Variants in AMBN observed in about 807,000 individuals in gnomAD.
The protein encoded by AMBN is enamel matrix protein.
A neutral mutation model predicts 48.0 loss-of-function variants in AMBN; 54 were observed. That is an observed-to-expected ratio of 1.12 (90% CI 0.90 to 1.41). The LOEUF is 1.41. Among genes scored for constraint, AMBN ranks in the 40% most tolerant of loss-of-function variants. The pLI is 0.00. For synonymous variants in AMBN, 186 were observed against 190.0 expected (o/e 0.98, Z 0.17); for missense variants, 571 against 547.3 (o/e 1.04, Z -0.43).
In AMBN at chr4:70,592,286, C is replaced by A. The variant is rs368325742; in HGVS notation, c.-73C>A. 2.8e-5 allele frequency: 43 copies of A among 1,530,686 alleles called. No homozygotes were observed. The highest frequency in any genetic ancestry group is 8.4e-5 in the Admixed American group (5 of 59,398). The allele number at this position is 1,530,686 out of a possible 1,614,324, so 94.8% of individuals were successfully genotyped here. On this transcript the variant is annotated 5_prime_UTR_variant, in exon 1 of 13. Coordinates refer to ENST00000322937, the MANE Select transcript of AMBN (RefSeq NM_016519.6). ...GTACAGAGCAAGTCCCACGCACAGT[C>A]CTGAAAAAAATTTTAATCTTCTTTT...
At position 70,606,466 on chromosome 4, in the gene AMBN, C is replaced by T. The variant is rs1410314526; in HGVS notation, c.1080C>T (p.Asp360=). The T allele has an allele frequency of 6.2e-7, 1 of 1,613,988 alleles. No homozygotes were observed. The highest frequency in any genetic ancestry group is 1.1e-5 in the South Asian group (1 of 91,074). The stretch of plus-strand genomic sequence containing the variant: ...GGCTCCTTGCTCTCCCTAAGGATGA[C>T]ATTCCCGGCCTGCCAAGGAGCCCTT... ...HAGLLALPKD[D]IPGLPRSPSG... The change falls in exon 13 of 13, where the codon GAC becomes GAT. Residue 360 remains aspartate (D), a synonymous_variant. Coordinates refer to ENST00000322937, the MANE Select transcript of AMBN (RefSeq NM_016519.6).
chr4:70,593,488 A>G, intron 2 of AMBN, 93 bp downstream of exon 2: 1 of 1,064,504 alleles, frequency 9.4e-7, no homozygotes, highest in Non-Finnish European at 1.4e-6. Context: ...GTCCACGCAT[A>G]GACTCACTTG....
intron 5 of AMBN, among the ~76,000 whole-genome samples, chr4:70,600,572 G>C (rs1737497035): frequency 6.6e-6 from 1 of 152,174 alleles, no homozygotes; most frequent in African/African-American, 2.4e-5. Context: ...AGCTCAGAGA[G>C]GGGTGATGGC....
At position 70,606,883 on chromosome 4, in the gene AMBN, T is replaced by C. The variant is rs1737672880; in HGVS notation, c.*153T>C. ...AATAAATGCAAGTGGCTAGAAATAG[T>C]GTAGGTCCCCTTCTTGCTTTCAATA... On this transcript the variant is annotated 3_prime_UTR_variant, in exon 13 of 13. Transcript: ENST00000322937. 4 of 799,298 alleles carry C rather than the reference T, an allele frequency of 5.0e-6. No individual in the cohort carries two copies. In the Admixed American group the frequency reaches 9.0e-5, roughly 18 times the overall value. The allele number at this position is 799,298 out of a possible 1,614,324, so 49.5% of individuals were successfully genotyped here.
At chr4:70,598,456 GC>G in intron 4 of AMBN, 53 bp downstream of exon 4, 1 of 1,384,484 alleles carries the variant, frequency 7.2e-7, no homozygotes, top group Non-Finnish European at 9.9e-7. Flanking sequence ...GTTAATATTA[GC>G]AGCAGCATTA....
intron 7 of AMBN, 65 bp downstream of exon 7, chr4:70,602,727 TTTA>T (rs141777467): frequency 0.17 from 249,582 of 1,467,374 alleles, 32,031 homozygotes; most frequent in Non-Finnish European, 0.2. Flanking sequence ...TGTTCACTTT[TTTA>T]TTTTTATTTG....
chr4:70,595,650 A>G (rs942104695), intron 2 of AMBN, among the ~76,000 whole-genome samples: 2 of 152,146 alleles, frequency 1.3e-5, no homozygotes, highest in African/African-American at 2.4e-5. Flanking sequence ...TATTTGGTAA[A>G]CATTCCCTAA....
intron 12 of AMBN, among the ~76,000 whole-genome samples, chr4:70,604,737 A>G (rs931536257): frequency 1.3e-5 from 2 of 150,630 alleles, no homozygotes; most frequent in East Asian, 1.9e-4. Context: ...TCATGCCTAT[A>G]ATCCCAGCAC....
In AMBN at chr4:70,601,610, G is replaced by A. The variant is rs1737523022; in HGVS notation, c.487G>A (p.Val163Ile). 6.2e-7 allele frequency: 1 copy of A among 1,614,164 alleles called. No individual in the cohort carries two copies. The highest frequency in any genetic ancestry group is 8.5e-7 in the Non-Finnish European group (1 of 1,180,008). ...CTTGCAGGAAGGAGAACTGCCTCTG[G>A]TTCAGCAGCAGGTGGCACCATCAGA... ...LPLQEGELPLVQQQVAPSDKP... is the reference protein window; with the variant it reads ...LPLQEGELPLIQQQVAPSDKP... The change falls in exon 6 of 13, where the codon GTT (valine) becomes ATT (isoleucine). Residue 163 changes from valine to isoleucine, a missense_variant. Transcript: ENST00000322937.
At chr4:70,598,567 A>G (rs1179288180) in intron 4 of AMBN, among the ~76,000 whole-genome samples, 164 bp downstream of exon 4, 1 of 152,198 alleles carries the variant, frequency 6.6e-6, no homozygotes, top group East Asian at 1.9e-4. Context: ...AGTGACAGGG[A>G]AAAACAAAAA....
At chr4:70,600,574 G>A (rs1737497132) in intron 5 of AMBN, among the ~76,000 whole-genome samples, 1 of 152,140 alleles carries the variant, frequency 6.6e-6, no homozygotes, top group African/African-American at 2.4e-5. Context: ...CTCAGAGAGG[G>A]GTGATGGCTG....
chr4:70,597,513 A>C (rs1737413787), intron 3 of AMBN, among the ~76,000 whole-genome samples: 1 of 152,158 alleles, frequency 6.6e-6, no homozygotes, highest in South Asian at 2.1e-4. Context: ...TAAGTTGTAC[A>C]GTGTATTTGT....
chr4:70,596,718 T>G (rs1348403831), intron 2 of AMBN, among the ~76,000 whole-genome samples: 2 of 152,268 alleles, frequency 1.3e-5, no homozygotes, highest in Non-Finnish European at 2.9e-5. Flanking sequence ...TCCTTGTGTG[T>G]AACTTTAAAT....
rs781128848 is a variant in AMBN, at chr4:70,606,677, A to G, written c.1291A>G (p.Lys431Glu). 6.2e-7 allele frequency: 1 copy of G among 1,613,942 alleles called. No individual in the cohort carries two copies. Among genetic ancestry groups the G allele is most frequent in the Non-Finnish European group, 8.5e-7 (1 of 1,179,966 alleles). The part of the protein sequence containing the change: ...NSLQTSMPGN[K>E]AQEPEMMHDA... Reference sequence around the variant, plus strand: ...TCTGCAAACATCCATGCCAGGAAACAAAGCCCAGGAGCCCGAGATGATGCA... The same window carrying G: ...TCTGCAAACATCCATGCCAGGAAACGAAGCCCAGGAGCCCGAGATGATGCA... The change falls in exon 13 of 13, where the codon AAA becomes GAA. Residue 431 changes from lysine to glutamate, a missense_variant. Physicochemically the swap from Lys to Glu is moderately conservative, Grantham distance 56. Coordinates refer to ENST00000322937, the MANE Select transcript of AMBN (RefSeq NM_016519.6).
intron 5 of AMBN, among the ~76,000 whole-genome samples, chr4:70,600,122 C>T (rs1737484508): frequency 6.6e-6 from 1 of 152,140 alleles, no homozygotes; most frequent in African/African-American, 2.4e-5. Context: ...GCCTGGCCAA[C>T]ATGGTGAAAC....
chr4:70,595,857 A>G (rs964939062), intron 2 of AMBN, among the ~76,000 whole-genome samples: 2 of 152,160 alleles, frequency 1.3e-5, no homozygotes, highest in African/African-American at 4.8e-5. Flanking sequence ...ACAAAAAAAC[A>G]AAAAACAAAA....
intron 1 of AMBN, among the ~76,000 whole-genome samples, chr4:70,592,658 C>G (rs1358006591): frequency 6.6e-6 from 1 of 151,798 alleles, no homozygotes; most frequent in African/African-American, 2.4e-5. Flanking sequence ...CTATTCAGAT[C>G]TCTATTCATG....
chr4:70,595,231 G>A (rs529364577), intron 2 of AMBN, among the ~76,000 whole-genome samples: 102 of 134,166 alleles, frequency 7.6e-4, no homozygotes, highest in African/African-American at 2.8e-3. Context: ...TCTGTTGCCC[G>A]GGCTGGAGTG....
In AMBN at chr4:70,606,844, G is replaced by A. The variant is rs567710200; in HGVS notation, c.*114G>A. The stretch of plus-strand genomic sequence containing the variant: ...CTTCTGCAGCAAAGGCATTAAAAGC[G>A]CTAAGCATATATTAATAAATGCAAG... On this transcript the variant is annotated 3_prime_UTR_variant, in exon 13 of 13. Transcript: ENST00000322937. The A allele has an allele frequency of 1.3e-3, 1,577 of 1,181,134 alleles. 1 individual carries two copies. The highest frequency in any genetic ancestry group is 5.2e-3 in the Admixed American group (185 of 35,824). The allele number at this position is 1,181,134 out of a possible 1,614,324, so 73.2% of individuals were successfully genotyped here. A position where few individuals can be genotyped will look rare whatever the true frequency, so the allele number is the denominator to read the frequency against.
Sources: allele counts gnomAD v4.1 joint callset (sites outside exome capture counted in the v4.1 genomes callset), GRCh38; gene constraint gnomAD v4.1.1; transcripts MANE v1.5; gene names NCBI Gene and HGNC (gene_info 2026-07-23, HGNC 2026-07-21).